The following AAMDC variants were observed in gnomAD, a reference collection of about 807,000 sequenced individuals.
AAMDC encodes adipogenesis associated Mth938 domain containing.
In AAMDC, 16 loss-of-function variants were observed where a neutral mutation model predicts 15.5. That is an observed-to-expected ratio of 1.03 (90% CI 0.70 to 1.57). The LOEUF is 1.57. Among genes scored for constraint, AAMDC ranks in the 40% most tolerant of loss-of-function variants. AAMDC has a pLI of 0.00. For missense variants in AAMDC, 141 were observed against 144.9 expected, an observed-to-expected ratio of 0.97 and a Z score of 0.14; for synonymous variants, 51 against 51.6, an observed-to-expected ratio of 0.99 and a Z score of 0.05.
intron 2 of AAMDC, among the ~76,000 whole-genome samples, chr11:77,857,249 G>T (rs1258651555): frequency 6.6e-6 from 1 of 152,154 alleles, no homozygotes; most frequent in African/African-American, 2.4e-5. Flanking sequence ...ACCTAAGACT[G>T]CCTAGATCAC....
At chr11:77,833,047 T>G (rs993980239) in intron 1 of AAMDC, among the ~76,000 whole-genome samples, 2 of 141,420 alleles carry the variant, frequency 1.4e-5, no homozygotes, top group Non-Finnish European at 3.0e-5. Flanking sequence ...GGTCTCATTC[T>G]GTCACCCAGG....
chr11:77,853,274 G>C (rs1187979834), intron 2 of AAMDC, among the ~76,000 whole-genome samples: 6 of 152,202 alleles, frequency 3.9e-5, no homozygotes, highest in Admixed American at 2.6e-4. Flanking sequence ...AGACTGGTTA[G>C]TTTCTAAAGA....
intron 2 of AAMDC, among the ~76,000 whole-genome samples, chr11:77,856,977 C>T (rs999056357): frequency 5.9e-5 from 9 of 152,146 alleles, no homozygotes; most frequent in African/African-American, 2.2e-4. Flanking sequence ...ATGTTAGAAT[C>T]CTTCATTTAA....
chr11:77,905,175 G>T (rs1030095698), downstream of AAMDC, among the ~76,000 whole-genome samples: 5 of 152,096 alleles, frequency 3.3e-5, no homozygotes, highest in African/African-American at 1.2e-4. Flanking sequence ...AGACGAAATG[G>T]GCTGGGAGTG....
At chr11:77,866,739 A>T (rs548800980) in intron 2 of AAMDC, 88 of 152,308 alleles carry the variant, frequency 5.8e-4, no homozygotes, top group African/African-American at 2.0e-3. Context: ...CGAAAAAAAA[A>T]ATATTAAAAA....
intron 5 of AAMDC, chr11:77,884,098 T>C (rs1156775979): frequency 5.8e-6 from 4 of 692,702 alleles, no homozygotes; most frequent in Non-Finnish European, 9.5e-6. Flanking sequence ...AGGTCAACAC[T>C]GTAGACATCT....
chr11:77,836,255 T>C (rs543860839), intron 1 of AAMDC, among the ~76,000 whole-genome samples: 2 of 152,140 alleles, frequency 1.3e-5, no homozygotes, highest in Non-Finnish European at 2.9e-5. Flanking sequence ...CTTCATACAT[T>C]GAAGCCCTAA....
chr11:77,849,460 G>A (rs1270152935), intron 2 of AAMDC, among the ~76,000 whole-genome samples: 1 of 152,138 alleles, frequency 6.6e-6, no homozygotes, highest in Non-Finnish European at 1.5e-5. Context: ...CTGACCTCAG[G>A]TGATCTGCCC....
intron 5 of AAMDC, among the ~76,000 whole-genome samples, chr11:77,892,103 C>A (rs1397965086): frequency 6.6e-6 from 1 of 152,162 alleles, no homozygotes; most frequent in Non-Finnish European, 1.5e-5. Flanking sequence ...TCCAGCAATC[C>A]TATGCATCAT....
rs1376700462 is a variant in AAMDC at position 77,888,953 on chromosome 11, A to G, written c.329-11618A>G. 2.6e-5 allele frequency among the ~76,000 whole-genome samples: 4 copies of G among 152,356 alleles called. No individual in the cohort carries two copies. In the East Asian group the frequency reaches 5.8e-4, roughly 22 times the overall value. ...CGTGCTGGAGAGGATGTGGAGAAAT[A>G]GGAACACTTTTACACTGTTGGTGGG... On this transcript the variant is annotated intron_variant, in intron 5 of 5. Coordinates refer to the AAMDC transcript ENST00000304716.
intron 2 of AAMDC, 100 bp from the exon 3 acceptor site, chr11:77,869,622 C>T: frequency 8.6e-7 from 1 of 1,165,780 alleles, no homozygotes; most frequent in South Asian, 1.3e-5. Flanking sequence ...ACAAAGTGAA[C>T]CTCAGTAGAC....
At chr11:77,881,918 T>C (rs1354733427) in intron 5 of AAMDC, among the ~76,000 whole-genome samples, 1 of 151,896 alleles carries the variant, frequency 6.6e-6, no homozygotes, top group African/African-American at 2.4e-5. Flanking sequence ...ATGGTTTTTT[T>C]TTTTTTCTTT....
At chr11:77,861,040 G>A (rs948510247) in intron 2 of AAMDC, among the ~76,000 whole-genome samples, 4 of 152,074 alleles carry the variant, frequency 2.6e-5, no homozygotes, top group Non-Finnish European at 4.4e-5. Context: ...GGGTCTAAGC[G>A]GGTATTGCCT....
intron 2 of AAMDC, among the ~76,000 whole-genome samples, chr11:77,864,478 C>A (rs1206226115): frequency 1.3e-5 from 2 of 151,980 alleles, no homozygotes; most frequent in Non-Finnish European, 2.9e-5. Flanking sequence ...AGTGGTTATT[C>A]TTGATTGAGA....
chr11:77,839,794 G>A (rs529226783), intron 1 of AAMDC, among the ~76,000 whole-genome samples: 5 of 152,154 alleles, frequency 3.3e-5, no homozygotes, highest in African/African-American at 1.2e-4. Context: ...ACAGGGAGGG[G>A]AACAACACAC....
intron 1 of AAMDC, among the ~76,000 whole-genome samples, chr11:77,834,442 T>G (rs1288439442): frequency 1.2e-4 from 2 of 17,156 alleles, no homozygotes; most frequent in East Asian, 2.0e-3. Context: ...GTTGATTTTG[T>G]TTTTTTTTTT....
intron 1 of AAMDC, among the ~76,000 whole-genome samples, chr11:77,833,578 A>G (rs1949552781): frequency 6.6e-6 from 1 of 152,208 alleles, no homozygotes; most frequent in African/African-American, 2.4e-5. Flanking sequence ...TGTGCAGCCC[A>G]GTTCCTAACA....
intron 5 of AAMDC, chr11:77,879,092 A>G: frequency 6.2e-7 from 1 of 1,614,232 alleles, no homozygotes; most frequent in African/African-American, 1.3e-5. Flanking sequence ...CTGGAGTTGT[A>G]GGCCAGCAGC....
intron 2 of AAMDC, among the ~76,000 whole-genome samples, chr11:77,856,283 CT>C (rs540842848): frequency 2.2e-4 from 34 of 152,316 alleles, no homozygotes; most frequent in Non-Finnish European, 4.4e-4. Flanking sequence ...TCTCCGAGAC[CT>C]TCTCAGCCTG....
Sources: gnomAD v4.1 joint callset for allele counts (sites outside exome capture counted in the v4.1 genomes callset) on GRCh38, gnomAD v4.1.1 for gene constraint, MANE v1.5 for transcripts, NCBI Gene and HGNC (gene_info 2026-07-23, HGNC 2026-07-21) for gene names.